The following GSAP variants were observed in gnomAD, a reference collection of about 807,000 sequenced individuals.
GSAP encodes the protein gamma-secretase-activating protein.
A neutral mutation model predicts 131.7 loss-of-function variants in GSAP; 118 were observed. The observed-to-expected ratio is 0.90, with a 90% CI of 0.77 to 1.04. The LOEUF (loss-of-function observed/expected upper bound fraction) is 1.04. GSAP is among the 50% of genes least tolerant of loss of function. GSAP has a pLI of 0.00. For missense variants in GSAP, 1,019 were observed against 1,013.2 expected (o/e 1.01, Z -0.08); for synonymous variants, 381 against 363.4 (o/e 1.05, Z -0.55).
chr7:77,374,765 C>T (rs148839494), intron 11 of GSAP, among the ~76,000 whole-genome samples: 21 of 152,196 alleles, frequency 1.4e-4, no homozygotes, highest in Admixed American at 4.6e-4. Context: ...TCTGAACCAT[C>T]GAATCCCTCT....
chr7:77,313,273 AAGGC>A, intron 28 of GSAP, among the ~76,000 whole-genome samples: 1 of 151,122 alleles, frequency 6.6e-6, no homozygotes, highest in African/African-American at 2.4e-5. Context: ...GGACTGTGCC[AAGGC>A]AGTGCAGAGC....
intron 6 of GSAP, among the ~76,000 whole-genome samples, chr7:77,385,901 A>G (rs1798497901): frequency 6.6e-6 from 1 of 152,224 alleles, no homozygotes; most frequent in Admixed American, 6.5e-5. Flanking sequence ...AAAAGAAATG[A>G]TATTTTGACC....
intron 3 of GSAP, among the ~76,000 whole-genome samples, chr7:77,399,921 C>G (rs936882200): frequency 3.3e-5 from 5 of 151,984 alleles, no homozygotes; most frequent in African/African-American, 9.7e-5. Flanking sequence ...AGACTCAGAG[C>G]TAAAGAGGTG....
intron 19 of GSAP, among the ~76,000 whole-genome samples, chr7:77,334,532 A>G (rs1321576219): frequency 1.4e-5 from 2 of 144,588 alleles, no homozygotes; most frequent in Admixed American, 7.2e-5. Context: ...GCGTTTACCT[A>G]TGTAACAAAC....
At chr7:77,374,962 C>T in intron 11 of GSAP, 96 bp downstream of exon 11, 1 of 588,108 alleles carries the variant, frequency 1.7e-6, no homozygotes, top group East Asian at 3.1e-5. Context: ...GAATATCAAA[C>T]TCTCTTTTTA....
At chr7:77,388,673 A>C (rs890890667) in intron 5 of GSAP, among the ~76,000 whole-genome samples, 17 of 152,198 alleles carry the variant, frequency 1.1e-4, no homozygotes, top group African/African-American at 4.1e-4. Context: ...AATAATATAC[A>C]AAATTTGGGG....
At chr7:77,326,498 A>C in intron 22 of GSAP, 1 of 441,316 alleles carries the variant, frequency 2.3e-6, no homozygotes, top group Non-Finnish European at 4.0e-6. Context: ...ACATTCCTCA[A>C]CCCCAGTAGG....
At chr7:77,391,345 A>C (rs1235341877) in intron 5 of GSAP, among the ~76,000 whole-genome samples, 2 of 152,178 alleles carry the variant, frequency 1.3e-5, no homozygotes, top group Non-Finnish European at 2.9e-5. Flanking sequence ...CTAGCATAAT[A>C]AGAGCCAACC....
intron 14 of GSAP, among the ~76,000 whole-genome samples, chr7:77,358,594 A>G (rs1424842601): frequency 2.0e-5 from 3 of 152,316 alleles, no homozygotes; most frequent in Admixed American, 1.3e-4. Context: ...CTGAAGTTTT[A>G]TATTTTTAAA....
chr7:77,385,317 A>G (rs986651838), intron 6 of GSAP, among the ~76,000 whole-genome samples: 2 of 152,228 alleles, frequency 1.3e-5, no homozygotes, highest in African/African-American at 4.8e-5. Flanking sequence ...TATAGGCATG[A>G]GCCACTGCGC....
chr7:77,377,237 T>TAAAAAAAAAAA lies in GSAP; in HGVS notation c.681+38_681+48dup, dbSNP rs533755073. ...GTCTCTAAAAAAATTAATATTTTTG[T>TAAAAAAAAAAA]AAAAAAAAAAAAAAAAAAAAAGGAG... On this transcript the variant is annotated intron_variant, in intron 9 of 30. Transcript: ENST00000257626. The TAAAAAAAAAAA allele has an allele frequency of 3.7e-4, 332 of 894,246 alleles. 12 individuals carry two copies. Among genetic ancestry groups the TAAAAAAAAAAA allele is most frequent in the African/African-American group, 1.9e-3 (72 of 38,534 alleles). 55.4% of individuals were successfully genotyped at this position (894,246 alleles called of 1,614,324 possible). A position where few individuals can be genotyped will look rare whatever the true frequency, so the allele number is the denominator to read the frequency against.
intron 8 of GSAP, chr7:77,379,843 A>G (rs1304586736): frequency 1.0e-6 from 1 of 984,224 alleles, no homozygotes; most frequent in East Asian, 1.1e-4. Context: ...CTCCAGTGAC[A>G]TACTTTCTCC....
At chr7:77,353,823 A>G (rs753755069) in intron 16 of GSAP, 182 bp from the exon 17 acceptor site, 4 of 485,126 alleles carry the variant, frequency 8.2e-6, no homozygotes, top group East Asian at 6.7e-5. Context: ...GTAAAACGGT[A>G]TTTTATAAGT....
intron 1 of GSAP, among the ~76,000 whole-genome samples, chr7:77,411,052 T>C (rs1439905005): frequency 8.1e-6 from 1 of 124,166 alleles, no homozygotes; most frequent in Non-Finnish European, 1.7e-5. Context: ...TAGGAAAGAA[T>C]TAGCGGAAAA....
rs138261290 is a variant in GSAP at position 77,392,053 on chromosome 7, C to T, written c.368-4605G>A. On this transcript the variant is annotated intron_variant, in intron 5 of 30. Transcript: ENST00000257626. The stretch of plus-strand genomic sequence containing the variant: ...CAGCCTGGCCAACACGGGGAAACCC[C>T]GTCTCTACTAAAAATACAAAAATTA... Among the ~76,000 whole-genome samples, 1,494 of 151,980 alleles carry T rather than the reference C, an allele frequency of 9.8e-3. 11 individuals carry two copies. The highest frequency in any genetic ancestry group is 0.021 in the Middle Eastern group (6 of 292).
intron 2 of GSAP, among the ~76,000 whole-genome samples, chr7:77,405,325 C>G (rs1233742266): frequency 6.6e-6 from 1 of 152,032 alleles, no homozygotes; most frequent in Admixed American, 6.6e-5. Flanking sequence ...AATAATGCTT[C>G]GAAAGTCCTA....
intron 12 of GSAP, among the ~76,000 whole-genome samples, chr7:77,364,797 A>G (rs1266656418): frequency 6.6e-6 from 1 of 152,210 alleles, no homozygotes; most frequent in African/African-American, 2.4e-5. Flanking sequence ...CCAATCCCAA[A>G]GGGAAAAAAA....
chr7:77,330,263 C>A lies in GSAP; in HGVS notation c.1650G>T (p.Glu550Asp). 6.2e-7 allele frequency: 1 copy of A among 1,612,864 alleles called. No individual in the cohort carries two copies. The highest frequency in any genetic ancestry group is 8.5e-7 in the Non-Finnish European group (1 of 1,179,330). ...CCTCTTCAGAGATCAGGTTGTGCCA[C>A]TCTCTCCTGACCACACTGTTGTTAT... ...FHYNNSVVRR[E>D]WHNLISEEKT... The change falls in exon 20 of 31, where the codon GAG becomes GAT. Residue 550 changes from glutamate to aspartate, a missense_variant. Physicochemically the swap from Glu to Asp is conservative, Grantham distance 45. Transcript: ENST00000257626.
Position 77,311,825 on chromosome 7 carries a change from C to G in GSAP, c.2473+16G>C, listed in dbSNP as rs747023550. 8.5e-7 allele frequency: 1 copy of G among 1,182,804 alleles called. No homozygotes were observed. Among genetic ancestry groups the G allele is most frequent in the Non-Finnish European group, 1.3e-6 (1 of 786,244 alleles). The allele number at this position is 1,182,804 out of a possible 1,614,324, so 73.3% of individuals were successfully genotyped here. ...GGGAAAAGTGGTAAGACCCTGAGAACAGGGGAGTAAATTACCTTGATTGGA... is the reference window on the plus strand; with the variant it reads ...GGGAAAAGTGGTAAGACCCTGAGAAGAGGGGAGTAAATTACCTTGATTGGA... On this transcript the variant is annotated intron_variant, in intron 30 of 30. Coordinates refer to ENST00000257626, the MANE Select transcript of GSAP (RefSeq NM_017439.4).
Sources: allele counts gnomAD v4.1 joint callset (sites outside exome capture counted in the v4.1 genomes callset), GRCh38; gene constraint gnomAD v4.1.1; transcripts MANE v1.5; gene names NCBI Gene and HGNC (gene_info 2026-07-23, HGNC 2026-07-21).